ADGRL2: variants seen among roughly 807,000 people sequenced by gnomAD.
ADGRL2 encodes the protein calcium-independent alpha-latrotoxin receptor 2.
ADGRL2 carries 44 observed loss-of-function variants against 157.4 expected under a neutral mutation model. The observed-to-expected ratio is 0.28, with a 90% confidence interval of 0.22 to 0.36. The LOEUF (loss-of-function observed/expected upper bound fraction) is 0.36, where lower values mean the gene tolerates loss of function less well. Among genes scored for constraint, ADGRL2 ranks in the 10% least tolerant of loss-of-function variants. The probability of loss-of-function intolerance (pLI) is 1.00; values close to 1 mark genes in which losing one functional copy is unlikely to be tolerated. For synonymous variants in ADGRL2, 585 were observed against 624.7 expected, an observed-to-expected ratio of 0.94 and a Z score of 0.95; for missense variants, 1,510 against 1,768.9, an observed-to-expected ratio of 0.85 and a Z score of 2.63.
rs564507609 is a variant in ADGRL2 at position 81,731,564 on chromosome 1, C to T, written c.-142-30247C>T. On this transcript the variant is annotated intron_variant, in intron 1 of 20. Transcript: ENST00000359929. ...TATATTCAGTTTGAACTGCTTTATG[C>T]TTTGCAAATTTTCTTTTTTGGTAAT... is the stretch of plus-strand genomic sequence containing the variant. Among the ~76,000 whole-genome samples the T allele has an allele frequency of 2.0e-5, 3 of 152,070 alleles. No homozygotes were observed. The South Asian group carries it at 6.2e-4, about 32-fold the overall frequency.
intron 2 of ADGRL2, among the ~76,000 whole-genome samples, chr1:81,506,895 T>C (rs2078986242): frequency 6.6e-6 from 1 of 152,246 alleles, no homozygotes; most frequent in Admixed American, 6.5e-5. Flanking sequence ...CACATTCATC[T>C]ACATAACAAA....
chr1:81,722,116 C>T, intron 1 of ADGRL2: 1 of 365,252 alleles, frequency 2.7e-6, no homozygotes, highest in Non-Finnish European at 5.3e-6. Flanking sequence ...CATGGTGAAA[C>T]CCCGTCTCTA....
intron 11 of ADGRL2, among the ~76,000 whole-genome samples, chr1:81,965,286 TG>T (rs1656714941): frequency 6.6e-6 from 1 of 152,200 alleles, no homozygotes; most frequent in South Asian, 2.1e-4. Flanking sequence ...ATTGTAGCAC[TG>T]AAGAAGCCAT....
chr1:81,306,531 A>G (rs942528283), intron 1 of ADGRL2: 3 of 152,100 alleles, frequency 2.0e-5, no homozygotes, highest in African/African-American at 7.2e-5. Context: ...GATTCTTCTA[A>G]AGACGTGTGT....
At chr1:81,502,691 A>G (rs1296432548) in intron 2 of ADGRL2, 14 of 1,613,334 alleles carry the variant, frequency 8.7e-6, no homozygotes, top group African/African-American at 4.0e-5. Context: ...CTGTATGCCT[A>G]TGAGTGTGAG....
chr1:81,527,002 G>A (rs1442143201), intron 2 of ADGRL2, among the ~76,000 whole-genome samples: 1 of 152,122 alleles, frequency 6.6e-6, no homozygotes. Context: ...GATCTGTTTG[G>A]GTGGTATTAA....
rs530740750 is a variant in ADGRL2, at chr1:81,814,163, T to C, written c.-101+13095T>C. Reference sequence around the variant, plus strand: ...TAAAGTAACCATGATCTTGGTAAATTATCAAAGAAAATTTTATCACATATT... The same window carrying C: ...TAAAGTAACCATGATCTTGGTAAATCATCAAAGAAAATTTTATCACATATT... On this transcript the variant is annotated intron_variant, in intron 1 of 23. Transcript: ENST00000686636. Among the ~76,000 whole-genome samples the C allele has an allele frequency of 1.1e-4, 16 of 151,836 alleles. No homozygotes were observed. The South Asian group carries it at 3.3e-3, about 31-fold the overall frequency.
At chr1:81,377,282 A>G (rs1277853127) in intron 1 of ADGRL2, among the ~76,000 whole-genome samples, 2 of 152,192 alleles carry the variant, frequency 1.3e-5, no homozygotes. Context: ...TAACCATAAT[A>G]TTGTGAGATT....
In ADGRL2 at chr1:81,482,275, G is replaced by A. The variant is rs548159389; in HGVS notation, c.-248+37186G>A. On this transcript the variant is annotated intron_variant, in intron 2 of 24. Transcript: ENST00000370721. ...AGAAAGTTTGAATAAAGCACCGTAT[G>A]TTTCTGCATTGTTTTCTCTTGCAAA... Among the ~76,000 whole-genome samples, 6 of 152,270 alleles carry A rather than the reference G, an allele frequency of 3.9e-5. No homozygotes were observed. In the South Asian group the frequency reaches 1.2e-3, roughly 32 times the overall value.
At position 81,517,306 on chromosome 1, in the gene ADGRL2, A is replaced by G. The variant is rs540103207; in HGVS notation, c.-247-63570A>G. Among the ~76,000 whole-genome samples the G allele has an allele frequency of 3.3e-5, 5 of 151,780 alleles. 1 individual carries two copies. In the East Asian group the frequency reaches 9.8e-4, roughly 30 times the overall value. ...ACCAACATGGTGAAACCCCATCTCT[A>G]CTAAAAATACAAAAATTAGCTGGGC... is the stretch of plus-strand genomic sequence containing the variant. On this transcript the variant is annotated intron_variant, in intron 2 of 24. Coordinates refer to the ADGRL2 transcript ENST00000370721.
At chr1:81,627,320 T>A (rs959305270) in intron 3 of ADGRL2, among the ~76,000 whole-genome samples, 2 of 152,102 alleles carry the variant, frequency 1.3e-5, no homozygotes, top group Non-Finnish European at 2.9e-5. Context: ...TGTAAAAGGT[T>A]CCCTGCCCCA....
chr1:81,989,484 T>C (rs1664129297), intron 23 of ADGRL2, among the ~76,000 whole-genome samples: 1 of 152,148 alleles, frequency 6.6e-6, no homozygotes, highest in Admixed American at 6.6e-5. Context: ...CCATTGCTAT[T>C]AGAGAGATTA....
intron 1 of ADGRL2, among the ~76,000 whole-genome samples, chr1:81,367,907 T>A (rs1227471914): frequency 6.6e-6 from 1 of 152,192 alleles, no homozygotes; most frequent in Admixed American, 6.5e-5. Flanking sequence ...TGTACCACAT[T>A]TTCTTTATCC....
intron 2 of ADGRL2, among the ~76,000 whole-genome samples, chr1:81,556,313 T>C (rs1041723770): frequency 7.5e-5 from 1 of 13,318 alleles, no homozygotes; most frequent in Non-Finnish European, 1.4e-4. Context: ...GCTGTCACAA[T>C]TTTTTTTTTT....
chr1:81,367,213 T>C (rs1435221345), intron 1 of ADGRL2, among the ~76,000 whole-genome samples: 1 of 152,086 alleles, frequency 6.6e-6, no homozygotes, highest in Non-Finnish European at 1.5e-5. Context: ...TGTTTTGTTT[T>C]ATCAGCTTTT....
At chr1:81,914,749 A>T (rs1049015122) in intron 3 of ADGRL2, among the ~76,000 whole-genome samples, 1 of 152,198 alleles carries the variant, frequency 6.6e-6, no homozygotes, top group African/African-American at 2.4e-5. Flanking sequence ...AAGACAACTA[A>T]CTGGTATTAC....
intron 3 of ADGRL2, among the ~76,000 whole-genome samples, chr1:81,606,779 C>T (rs890109513): frequency 2.1e-5 from 3 of 141,964 alleles, no homozygotes; most frequent in South Asian, 2.3e-4. Context: ...TGTGTGCGCA[C>T]GCGTGTGTGT....
chr1:81,551,585 T>C (rs553123590), intron 2 of ADGRL2, among the ~76,000 whole-genome samples: 1 of 152,332 alleles, frequency 6.6e-6, no homozygotes, highest in Non-Finnish European at 1.5e-5. Flanking sequence ...TAAAACTAGT[T>C]TGTTACAACC....
At position 81,990,874 on chromosome 1, in the gene ADGRL2, C is replaced by T. The variant is rs746137263; in HGVS notation, c.4139C>T (p.Ser1380Phe). 9 of 1,614,032 alleles carry T rather than the reference C, an allele frequency of 5.6e-6. No individual in the cohort carries two copies. The change falls in exon 24 of 24, where the codon TCT (serine) becomes TTT (phenylalanine). Residue 1380 changes from serine to phenylalanine, a missense_variant. Physicochemically the swap from Ser to Phe is radical, Grantham distance 155. Coordinates refer to ENST00000686636, the MANE Select transcript of ADGRL2 (RefSeq NM_001366006.2). ...EDHLQSPNRD[S>F]LYTSMPNLRD... The stretch of plus-strand genomic sequence containing the variant: ...CACCTACAGTCCCCCAACAGAGACT[C>T]TCTTTATACAAGCATGCCCAATCTT...
Sources: allele counts gnomAD v4.1 joint callset (sites outside exome capture counted in the v4.1 genomes callset), GRCh38; gene constraint gnomAD v4.1.1; transcripts MANE v1.5; gene names NCBI Gene and HGNC (gene_info 2026-07-23, HGNC 2026-07-21).